The following LPP variants were observed in gnomAD, a reference collection of about 807,000 sequenced individuals.
LPP encodes the protein lipoma-preferred partner.
A neutral mutation model predicts 60.4 loss-of-function variants in LPP; 38 were observed. The observed-to-expected ratio is 0.63, with a 90% CI of 0.49 to 0.83. The LOEUF is 0.83. Ranked by LOEUF, LPP falls within the 40% of genes least tolerant of loss-of-function variation. The pLI is 0.00. For synonymous variants in LPP, 328 were observed against 290.8 expected (o/e 1.13, Z -1.30); for missense variants, 902 against 783.6 (o/e 1.15, Z -1.80).
At position 188,336,197 on chromosome 3, in the gene LPP, G is replaced by T. The variant is rs1205012869; in HGVS notation, c.-66-5466G>T. On this transcript the variant is annotated intron_variant, in intron 2 of 11. Coordinates refer to ENST00000617246, the MANE Select transcript of LPP (RefSeq NM_001375462.1). The stretch of plus-strand genomic sequence containing the variant: ...ATCACATGACCTACAAGCAAGTGCA[G>T]TGGTGCTGAGTTCTAGGTGCAGGTG... 2.0e-5 allele frequency among the ~76,000 whole-genome samples: 3 copies of T among 152,166 alleles called. No homozygotes were observed. In the East Asian group the frequency reaches 5.8e-4, roughly 29 times the overall value.
At chr3:188,270,473 T>C (rs1286620493) in intron 2 of LPP, among the ~76,000 whole-genome samples, 1 of 152,200 alleles carries the variant, frequency 6.6e-6, no homozygotes, top group East Asian at 1.9e-4. Flanking sequence ...TGCATTTCAG[T>C]AAATGTTTCC....
intron 9 of LPP, among the ~76,000 whole-genome samples, chr3:188,828,803 G>A (rs1028520094): frequency 2.0e-5 from 3 of 151,628 alleles, no homozygotes; most frequent in African/African-American, 7.3e-5. Context: ...TCATTACCTC[G>A]GGCCTGTCTC....
intron 2 of LPP, among the ~76,000 whole-genome samples, chr3:188,292,879 C>G (rs1457055788): frequency 1.3e-5 from 2 of 152,102 alleles, no homozygotes; most frequent in African/African-American, 4.8e-5. Flanking sequence ...TCTACGTCAT[C>G]TGGTAATTTT....
intron 1 of LPP, among the ~76,000 whole-genome samples, chr3:188,214,333 G>A (rs1433300991): frequency 2.0e-5 from 3 of 152,114 alleles, no homozygotes; most frequent in Non-Finnish European, 4.4e-5. Flanking sequence ...GTTTCACCAC[G>A]TTGGCCAGGC....
intron 2 of LPP, among the ~76,000 whole-genome samples, chr3:188,232,580 T>G (rs1028846365): frequency 6.0e-5 from 9 of 150,050 alleles, no homozygotes; most frequent in African/African-American, 2.2e-4. Flanking sequence ...TCTTGAACTC[T>G]TGACCTCAAG....
intron 1 of LPP, among the ~76,000 whole-genome samples, chr3:188,210,835 C>T (rs544085564): frequency 6.6e-6 from 1 of 152,178 alleles, no homozygotes; most frequent in Admixed American, 6.5e-5. Context: ...GAGCTCCTGA[C>T]AGAATGAAGA....
At chr3:188,405,104 A>C (rs1783135770) in intron 3 of LPP, among the ~76,000 whole-genome samples, 1 of 152,178 alleles carries the variant, frequency 6.6e-6, no homozygotes, top group Non-Finnish European at 1.5e-5. Flanking sequence ...GTTGATGGGC[A>C]TTTCTTTGTT....
At chr3:188,694,779 T>G (rs1303630507) in intron 7 of LPP, among the ~76,000 whole-genome samples, 1 of 152,000 alleles carries the variant, frequency 6.6e-6, no homozygotes, top group East Asian at 1.9e-4. Flanking sequence ...TCAGAATTAG[T>G]TGGGGGTACT....
At position 188,862,712 on chromosome 3, in the gene LPP, C is replaced by CAA. The variant is rs140751676; in HGVS notation, c.1411-3482_1411-3481dup. Reference sequence around the variant, plus strand: ...TATCAATGCTGGCAACCCTACTAGACAAAAAAATAAATAAATAAATAAATA... The same window carrying CAA: ...TATCAATGCTGGCAACCCTACTAGACAAAAAAAAATAAATAAATAAATAAATA... On this transcript the variant is annotated intron_variant, in intron 9 of 11. Coordinates refer to ENST00000617246, the MANE Select transcript of LPP (RefSeq NM_001375462.1). Among the ~76,000 whole-genome samples, 102 of 55,382 alleles carry CAA rather than the reference C, an allele frequency of 1.8e-3. 4 individuals are homozygous for CAA. Among genetic ancestry groups the CAA allele is most frequent in the East Asian group, 8.8e-3 (6 of 678 alleles). The allele number at this position is 55,382 out of a possible 152,430, so 36.3% of individuals were successfully genotyped here. A position where few individuals can be genotyped will look rare whatever the true frequency, so the allele number is the denominator to read the frequency against.
At chr3:188,298,540 C>T (rs560961044) in intron 2 of LPP, among the ~76,000 whole-genome samples, 2 of 152,284 alleles carry the variant, frequency 1.3e-5, no homozygotes, top group East Asian at 3.9e-4. Flanking sequence ...TGGGTCTGGA[C>T]TAGGGCACAC....
chr3:188,804,873 T>G (rs1457492131), intron 9 of LPP, among the ~76,000 whole-genome samples: 1 of 152,090 alleles, frequency 6.6e-6, no homozygotes, highest in Non-Finnish European at 1.5e-5. Context: ...AGTTTCCTTC[T>G]TTTCATTAGT....
chr3:188,724,691 A>C (rs895766231), intron 8 of LPP, among the ~76,000 whole-genome samples: 2 of 152,176 alleles, frequency 1.3e-5, no homozygotes, highest in Non-Finnish European at 2.9e-5. Context: ...CTTGGTTATT[A>C]TGATTGTAGC....
intron 5 of LPP, among the ~76,000 whole-genome samples, chr3:188,513,241 T>A (rs1816343423): frequency 6.6e-6 from 1 of 152,252 alleles, no homozygotes; most frequent in Non-Finnish European, 1.5e-5. Flanking sequence ...ATTTAGAGTT[T>A]GCTAAACTGT....
rs144538110 is a variant in LPP at position 188,294,475 on chromosome 3, T to C, written c.-66-47188T>C. Among the ~76,000 whole-genome samples the C allele has an allele frequency of 7.2e-3, 1,098 of 152,324 alleles. 16 individuals are homozygous for C. The highest frequency in any genetic ancestry group is 0.026 in the African/African-American group (1,062 of 41,566). On this transcript the variant is annotated intron_variant, in intron 2 of 11. Coordinates refer to ENST00000617246, the MANE Select transcript of LPP (RefSeq NM_001375462.1). ...TGATTTGTTTTTGGTAAATAAGTCA[T>C]GCATGCTTAACAATGGTGAACACAC...
chr3:188,585,621 C>T (rs1837267037), intron 6 of LPP, among the ~76,000 whole-genome samples: 1 of 152,140 alleles, frequency 6.6e-6, no homozygotes, highest in Non-Finnish European at 1.5e-5. Flanking sequence ...CTGCTTTCGC[C>T]CCTGGGCTAC....
intron 4 of LPP, among the ~76,000 whole-genome samples, chr3:188,441,052 C>T (rs1793696781): frequency 6.8e-6 from 1 of 146,828 alleles, no homozygotes; most frequent in African/African-American, 2.5e-5. Context: ...GTGTGCGTGC[C>T]TGTATACATC....
intron 5 of LPP, among the ~76,000 whole-genome samples, chr3:188,518,549 T>G (rs1219294583): frequency 1.3e-5 from 2 of 152,196 alleles, no homozygotes; most frequent in Non-Finnish European, 2.9e-5. Context: ...AAGACATTCC[T>G]TGAGCTCTGT....
chr3:188,383,007 G>A (rs1474454357), intron 3 of LPP, among the ~76,000 whole-genome samples: 2 of 152,184 alleles, frequency 1.3e-5, no homozygotes, highest in Admixed American at 1.3e-4. Context: ...AAGTAAGGCC[G>A]AGAGAGGGTT....
intron 2 of LPP, among the ~76,000 whole-genome samples, chr3:188,282,544 C>T (rs1303497478): frequency 2.0e-5 from 3 of 152,104 alleles, no homozygotes; most frequent in East Asian, 3.9e-4. Context: ...TGTCTTGAGA[C>T]TTGCTGTGTG....
Sources: allele counts gnomAD v4.1 joint callset (sites outside exome capture counted in the v4.1 genomes callset), GRCh38; gene constraint gnomAD v4.1.1; transcripts MANE v1.5; gene names NCBI Gene and HGNC (gene_info 2026-07-23, HGNC 2026-07-21).